Variants in TTC23 observed in about 807,000 individuals in gnomAD.
TTC23 encodes the protein tetratricopeptide repeat protein 23.
A neutral mutation model predicts 55.1 loss-of-function variants in TTC23; 58 were observed. The observed-to-expected ratio is 1.05, with a 90% CI of 0.85 to 1.31. The LOEUF (loss-of-function observed/expected upper bound fraction) is 1.31, where lower values mean the gene tolerates loss of function less well. Among genes scored for constraint, TTC23 ranks in the 50% most tolerant of loss-of-function variants. TTC23 has a pLI of 0.00. For missense variants in TTC23, 516 were observed against 534.4 expected (o/e 0.97, Z 0.34); for synonymous variants, 203 against 199.9 (o/e 1.02, Z -0.13).
chr15:99,150,264 T>C (rs1437534707), intron 12 of TTC23, among the ~76,000 whole-genome samples: 2 of 152,180 alleles, frequency 1.3e-5, no homozygotes, highest in African/African-American at 4.8e-5. Context: ...TCCTCTTGTC[T>C]CCATTCTTGG....
intron 3 of TTC23, among the ~76,000 whole-genome samples, chr15:99,238,579 G>A (rs1032825032): frequency 1.3e-5 from 2 of 152,204 alleles, no homozygotes; most frequent in African/African-American, 2.4e-5. Flanking sequence ...AGGCTTGGAA[G>A]TGGGAAAGTG....
chr15:99,200,649 A>G (rs1425910596), intron 8 of TTC23, among the ~76,000 whole-genome samples: 1 of 152,214 alleles, frequency 6.6e-6, no homozygotes, highest in Non-Finnish European at 1.5e-5. Context: ...AAACTTTTCT[A>G]TATCAAATCA....
intron 9 of TTC23, among the ~76,000 whole-genome samples, chr15:99,183,092 A>G (rs115059670): frequency 0.012 from 1,760 of 152,304 alleles, 30 homozygotes; most frequent in African/African-American, 0.041. Context: ...GGAACTTCCT[A>G]AAGACTTGTG....
At chr15:99,152,480 G>A (rs1343166976) in intron 12 of TTC23, among the ~76,000 whole-genome samples, 2 of 151,832 alleles carry the variant, frequency 1.3e-5, no homozygotes, top group African/African-American at 2.4e-5. Context: ...GAGTTCAAGC[G>A]ACTCTCCTGC....
chr15:99,214,017 T>A (rs534439088), intron 8 of TTC23, among the ~76,000 whole-genome samples: 16 of 151,868 alleles, frequency 1.1e-4, no homozygotes, highest in Non-Finnish European at 2.1e-4. Flanking sequence ...CAATGGTATA[T>A]GAGAGAGCAT....
intron 8 of TTC23, among the ~76,000 whole-genome samples, chr15:99,213,130 C>T (rs1009932751): frequency 2.9e-4 from 44 of 151,904 alleles, no homozygotes; most frequent in Non-Finnish European, 1.5e-5. Context: ...AAATCCAAAA[C>T]ACCTTGTTAA....
chr15:99,192,006 G>A (rs958350372), intron 9 of TTC23, among the ~76,000 whole-genome samples: 5 of 152,212 alleles, frequency 3.3e-5, no homozygotes, highest in Non-Finnish European at 7.3e-5. Context: ...TTTTAGCAAA[G>A]AGACTGGCAG....
chr15:99,161,552 C>T lies in TTC23; in HGVS notation c.993+188G>A, dbSNP rs137921525. ...ACAATCTATATTCTCATAAAGTCTC[C>T]CAGCTTCTAAGAGCAAGTATCTCTG... On this transcript the variant is annotated intron_variant, in intron 11 of 13. Coordinates refer to ENST00000394132, the MANE Select transcript of TTC23 (RefSeq NM_001288615.3). Among the ~76,000 whole-genome samples the T allele has an allele frequency of 6.0e-3, 919 of 152,244 alleles. 10 individuals are homozygous for T. Among genetic ancestry groups the T allele is most frequent in the African/African-American group, 0.021 (872 of 41,532 alleles).
chr15:99,147,799 A>G (rs2069132869), intron 12 of TTC23, among the ~76,000 whole-genome samples: 1 of 152,196 alleles, frequency 6.6e-6, no homozygotes, highest in Admixed American at 6.5e-5. Context: ...GGCTCTACAC[A>G]TGAAAACAAT....
At chr15:99,171,559 C>CT (rs35676358) in intron 10 of TTC23, among the ~76,000 whole-genome samples, 46,200 of 92,452 alleles carry the variant, frequency 0.5, 13,534 homozygotes, top group East Asian at 0.71. Flanking sequence ...GTCTCTCCGT[C>CT]TTTTTTTTTT....
chr15:99,206,816 T>C (rs1366316455), intron 8 of TTC23, among the ~76,000 whole-genome samples: 2 of 152,104 alleles, frequency 1.3e-5, no homozygotes, highest in Non-Finnish European at 2.9e-5. Context: ...TATTTGTGCT[T>C]GGATTTTTAT....
chr15:99,244,728 TA>T (rs1280369770), intron 2 of TTC23, among the ~76,000 whole-genome samples: 2 of 152,194 alleles, frequency 1.3e-5, no homozygotes, highest in Non-Finnish European at 2.9e-5. Flanking sequence ...CGATTTAATG[TA>T]ATATCCATCA....
chr15:99,203,309 G>A (rs2076344238), intron 8 of TTC23, among the ~76,000 whole-genome samples: 1 of 151,974 alleles, frequency 6.6e-6, no homozygotes, highest in Non-Finnish European at 1.5e-5. Flanking sequence ...GTGGATTAGA[G>A]GACAAATTTT....
chr15:99,211,637 T>G (rs538584966), intron 8 of TTC23, among the ~76,000 whole-genome samples: 1 of 152,230 alleles, frequency 6.6e-6, no homozygotes, highest in African/African-American at 2.4e-5. Flanking sequence ...TATATTGCCC[T>G]TTTCTTTCTT....
intron 9 of TTC23, among the ~76,000 whole-genome samples, chr15:99,186,212 T>C (rs2074646649): frequency 6.6e-6 from 1 of 152,202 alleles, no homozygotes; most frequent in South Asian, 2.1e-4. Flanking sequence ...TTTTGAACCT[T>C]TGAGTAGTTC....
chr15:99,246,364 C>T (rs368267188), intron 1 of TTC23, among the ~76,000 whole-genome samples: 6 of 152,266 alleles, frequency 3.9e-5, no homozygotes, highest in East Asian at 3.9e-4. Context: ...GCCTGTAATC[C>T]CAGCACTTTG....
intron 12 of TTC23, among the ~76,000 whole-genome samples, chr15:99,152,210 G>A (rs1448593805): frequency 3.3e-5 from 5 of 152,094 alleles, no homozygotes; most frequent in African/African-American, 9.7e-5. Flanking sequence ...TTCCCCATGC[G>A]ACGTGCCTTC....
intron 10 of TTC23, among the ~76,000 whole-genome samples, chr15:99,170,194 G>C (rs373457408): frequency 6.6e-6 from 1 of 152,056 alleles, no homozygotes; most frequent in African/African-American, 2.4e-5. Flanking sequence ...ACAAGCCTTC[G>C]TGACTTCTTG....
intron 5 of TTC23, among the ~76,000 whole-genome samples, chr15:99,225,579 G>C (rs1319060808): frequency 6.6e-6 from 1 of 152,122 alleles, no homozygotes; most frequent in Admixed American, 6.5e-5. Context: ...TAGTGTATTT[G>C]AAAAATACAA....
Sources: gnomAD v4.1 joint callset for allele counts (sites outside exome capture counted in the v4.1 genomes callset) on GRCh38, gnomAD v4.1.1 for gene constraint, MANE v1.5 for transcripts, NCBI Gene and HGNC (gene_info 2026-07-23, HGNC 2026-07-21) for gene names.